SLC35G2: variants seen among roughly 807,000 people sequenced by gnomAD.
The protein encoded by SLC35G2 is transmembrane protein 22.
SLC35G2 carries 20 observed loss-of-function variants against 27.2 expected under a neutral mutation model. That is an observed-to-expected ratio of 0.74 (90% CI 0.52 to 1.07). SLC35G2 has a LOEUF of 1.07. Among genes scored for constraint, SLC35G2 ranks in the 50% least tolerant of loss-of-function variants. SLC35G2 has a pLI of 0.00. For missense variants in SLC35G2, 416 were observed against 493.3 expected (o/e 0.84, Z 1.48); for synonymous variants, 148 against 165.3 (o/e 0.90, Z 0.80).
chr3:136,824,994 CATG>C (rs1936549910), intron 1 of SLC35G2, among the ~76,000 whole-genome samples: 2 of 152,122 alleles, frequency 1.3e-5, no homozygotes, highest in African/African-American at 4.8e-5. Flanking sequence ...TGAGTGAAAA[CATG>C]CGGTGTTTGG....
At chr3:136,839,608 T>C (rs1284656789) in intron 1 of SLC35G2, among the ~76,000 whole-genome samples, 1 of 152,182 alleles carries the variant, frequency 6.6e-6, no homozygotes, top group East Asian at 1.9e-4. Flanking sequence ...TAAGACTAAA[T>C]GTTTAGCCCA....
chr3:136,835,301 CTTTTTCTT>C (rs1286508369), intron 1 of SLC35G2, among the ~76,000 whole-genome samples: 2 of 116,264 alleles, frequency 1.7e-5, no homozygotes, highest in African/African-American at 3.2e-5. Context: ...GAGTTCAGGC[CTTTTTCTT>C]TTTTTTTTTT....
intron 1 of SLC35G2, among the ~76,000 whole-genome samples, chr3:136,848,682 TA>T (rs1937504536): frequency 1.3e-5 from 2 of 152,104 alleles, no homozygotes; most frequent in African/African-American, 4.8e-5. Flanking sequence ...CTCAGAAACA[TA>T]AAATCAAATA....
intron 1 of SLC35G2, among the ~76,000 whole-genome samples, chr3:136,829,730 A>G (rs1936676363): frequency 6.6e-6 from 1 of 151,898 alleles, no homozygotes; most frequent in South Asian, 2.1e-4. Context: ...GGCACTTTAA[A>G]TATGTCTTGC....
chr3:136,843,893 C>T (rs1166190220), intron 1 of SLC35G2, among the ~76,000 whole-genome samples: 1 of 152,146 alleles, frequency 6.6e-6, no homozygotes, highest in Non-Finnish European at 1.5e-5. Context: ...GAGATTGCCC[C>T]ACTGCACTCT....
Position 136,855,766 on chromosome 3 carries a change from A to C in SLC35G2, c.*67A>C. 7.9e-7 allele frequency: 1 copy of C among 1,267,920 alleles called. No homozygotes were observed. The highest frequency in any genetic ancestry group is 1.2e-5 in the South Asian group (1 of 80,032). 78.5% of individuals were successfully genotyped at this position (1,267,920 alleles called of 1,614,324 possible). A position where few individuals can be genotyped will look rare whatever the true frequency, so the allele number is the denominator to read the frequency against. On this transcript the variant is annotated 3_prime_UTR_variant, in exon 2 of 2. Coordinates refer to ENST00000446465, the MANE Select transcript of SLC35G2 (RefSeq NM_025246.3). ...TATACTGCCATTTTAATGTTTACCT[A>C]TGAATGTCTTTTGTGTTATATAACT...
intron 1 of SLC35G2, among the ~76,000 whole-genome samples, chr3:136,828,376 C>A (rs1936642177): frequency 6.6e-6 from 1 of 152,172 alleles, no homozygotes; most frequent in Admixed American, 6.6e-5. Flanking sequence ...AGGTCTCTCT[C>A]TTTCCCTGTA....
chr3:136,852,306 TC>T (rs1460629099), intron 1 of SLC35G2, among the ~76,000 whole-genome samples: 1 of 152,034 alleles, frequency 6.6e-6, no homozygotes, highest in East Asian at 1.9e-4. Flanking sequence ...CATGACTTCT[TC>T]CAGCTGAAGG....
At chr3:136,834,312 A>G (rs1936808511) in intron 1 of SLC35G2, among the ~76,000 whole-genome samples, 1 of 152,190 alleles carries the variant, frequency 6.6e-6, no homozygotes, top group Non-Finnish European at 1.5e-5. Context: ...AACTCATCCC[A>G]ATTCAGATGA....
intron 1 of SLC35G2, among the ~76,000 whole-genome samples, chr3:136,853,844 G>GT (rs1277479668): frequency 1.3e-5 from 2 of 152,130 alleles, no homozygotes; most frequent in Non-Finnish European, 2.9e-5. Context: ...CACGAGAGAG[G>GT]TTGTACAATT....
Position 136,854,603 on chromosome 3 carries a change from T to C in SLC35G2, c.143T>C (p.Phe48Ser). The C allele has an allele frequency of 6.2e-7, 1 of 1,612,788 alleles. No homozygotes were observed. The highest frequency in any genetic ancestry group is 8.5e-7 in the Non-Finnish European group (1 of 1,179,744). ...YEEINEGYGN[F>S]MEENPKKGLL... ...GAAATCAATGAAGGCTATGGAAATT[T>C]TATGGAGGAAAATCCAAAGAAAGGT... Residue 48 changes from phenylalanine to serine, a missense_variant, in exon 2 of 2, where the codon TTT becomes TCT. Phe to Ser is a radical substitution (Grantham distance 155). Coordinates refer to ENST00000446465, the MANE Select transcript of SLC35G2 (RefSeq NM_025246.3).
chr3:136,835,383 AT>A (rs1276054265), intron 1 of SLC35G2, among the ~76,000 whole-genome samples: 3 of 16,966 alleles, frequency 1.8e-4, no homozygotes, highest in African/African-American at 1.5e-4. Flanking sequence ...CAGGTGATAC[AT>A]TTTTTTTTGG....
At chr3:136,840,157 C>T (rs939530179) in intron 1 of SLC35G2, among the ~76,000 whole-genome samples, 1 of 152,228 alleles carries the variant, frequency 6.6e-6, no homozygotes, top group African/African-American at 2.4e-5. Flanking sequence ...ACACCTTCAG[C>T]TTCAGTGTAT....
At chr3:136,820,496 T>C (rs1234415162) in intron 1 of SLC35G2, 1 of 152,182 alleles carries the variant, frequency 6.6e-6, no homozygotes, top group Non-Finnish European at 1.5e-5. Flanking sequence ...CGAAAGCAAA[T>C]GTGGCTTGCC....
At position 136,827,017 on chromosome 3, in the gene SLC35G2, C is replaced by T. The variant is rs544182944; in HGVS notation, c.-19+7389C>T. Among the ~76,000 whole-genome samples the T allele has an allele frequency of 5.3e-4, 77 of 145,070 alleles. 1 individual carries two copies. Among genetic ancestry groups the T allele is most frequent in the African/African-American group, 1.8e-3 (70 of 39,302 alleles). On this transcript the variant is annotated intron_variant, in intron 1 of 1. Coordinates refer to ENST00000446465, the MANE Select transcript of SLC35G2 (RefSeq NM_025246.3). Reference sequence around the variant, plus strand: ...TTATTGATCATTCTTGGGTGTTTCTCGGAGAGGGGGATTTGGCAGGGTCAT... The same window carrying T: ...TTATTGATCATTCTTGGGTGTTTCTTGGAGAGGGGGATTTGGCAGGGTCAT...
intron 1 of SLC35G2, among the ~76,000 whole-genome samples, chr3:136,827,149 T>C (rs1214610846): frequency 1.3e-5 from 2 of 151,990 alleles, no homozygotes; most frequent in African/African-American, 4.8e-5. Flanking sequence ...AGTGACCTTA[T>C]GTATTTTCAT....
chr3:136,846,451 C>G (rs1380374189), intron 1 of SLC35G2: 1 of 152,218 alleles, frequency 6.6e-6, no homozygotes, highest in Non-Finnish European at 1.5e-5. Context: ...ACTTCTGGTT[C>G]TATTTCATAT....
At chr3:136,832,224 C>T (rs1439001417) in intron 1 of SLC35G2, among the ~76,000 whole-genome samples, 1 of 152,132 alleles carries the variant, frequency 6.6e-6, no homozygotes, top group Admixed American at 6.5e-5. Flanking sequence ...CAGTGTTAGC[C>T]AGGATGGTCT....
intron 1 of SLC35G2, chr3:136,837,988 G>C (rs1204694232): frequency 6.6e-6 from 1 of 151,890 alleles, no homozygotes; most frequent in South Asian, 2.1e-4. Context: ...GACTACAGGC[G>C]GGAGTCACCA....
Sources: gnomAD v4.1 joint callset for allele counts (sites outside exome capture counted in the v4.1 genomes callset) on GRCh38, gnomAD v4.1.1 for gene constraint, MANE v1.5 for transcripts, NCBI Gene and HGNC (gene_info 2026-07-23, HGNC 2026-07-21) for gene names.